PPP1R9A: variants seen among roughly 807,000 people sequenced by gnomAD.
The protein encoded by PPP1R9A is neurabin-1.
A neutral mutation model predicts 141.9 loss-of-function variants in PPP1R9A; 59 were observed. The observed-to-expected ratio is 0.42, with a 90% CI of 0.34 to 0.52. The LOEUF (loss-of-function observed/expected upper bound fraction) is 0.52. PPP1R9A is among the 20% of genes least tolerant of loss of function. PPP1R9A has a pLI of 0.10. For synonymous variants in PPP1R9A, 500 were observed against 569.7 expected (o/e 0.88, Z 1.74); for missense variants, 1,444 against 1,611.9 (o/e 0.90, Z 1.78).
intron 2 of PPP1R9A, among the ~76,000 whole-genome samples, chr7:94,968,522 T>C (rs1469689002): frequency 4.0e-5 from 6 of 151,818 alleles, no homozygotes; most frequent in African/African-American, 1.4e-4. Flanking sequence ...AACCCCTGCT[T>C]TTTTTTTGCT....
intron 2 of PPP1R9A, among the ~76,000 whole-genome samples, chr7:95,037,396 C>T (rs1808579174): frequency 6.6e-6 from 1 of 151,916 alleles, no homozygotes; most frequent in African/African-American, 2.4e-5. Context: ...TCACTCTTGG[C>T]CTGTTATTTT....
intron 5 of PPP1R9A, 83 bp downstream of exon 5, chr7:95,162,054 T>A: frequency 2.5e-6 from 2 of 802,962 alleles, no homozygotes; most frequent in Non-Finnish European, 1.9e-6. Flanking sequence ...CAAATAAATG[T>A]AATTACAATG....
At chr7:94,959,830 TG>T (rs1291088625) in intron 2 of PPP1R9A, among the ~76,000 whole-genome samples, 2 of 151,802 alleles carry the variant, frequency 1.3e-5, no homozygotes, top group Non-Finnish European at 3.0e-5. Context: ...AGTATGAATT[TG>T]ATTCTCCTAA....
intron 2 of PPP1R9A, among the ~76,000 whole-genome samples, chr7:94,925,511 C>G (rs1188596962): frequency 6.6e-6 from 1 of 152,060 alleles, no homozygotes; most frequent in Non-Finnish European, 1.5e-5. Flanking sequence ...TCCTCTCTCC[C>G]TCTCATTCTT....
chr7:95,218,106 T>A (rs944764191), intron 7 of PPP1R9A, among the ~76,000 whole-genome samples: 4 of 152,322 alleles, frequency 2.6e-5, no homozygotes, highest in African/African-American at 9.6e-5. Flanking sequence ...TTGTGGGCAT[T>A]TAGTGCTATA....
At chr7:95,021,957 T>A (rs1806029925) in intron 2 of PPP1R9A, among the ~76,000 whole-genome samples, 1 of 152,220 alleles carries the variant, frequency 6.6e-6, no homozygotes, top group African/African-American at 2.4e-5. Flanking sequence ...ATGTGGGCTG[T>A]TTTTTGGTTC....
intron 2 of PPP1R9A, among the ~76,000 whole-genome samples, chr7:94,935,794 G>C (rs1448585463): frequency 6.6e-6 from 1 of 152,132 alleles, no homozygotes; most frequent in Non-Finnish European, 1.5e-5. Context: ...AGTAAAACTT[G>C]TTGATTGCAC....
intron 5 of PPP1R9A, among the ~76,000 whole-genome samples, chr7:95,167,228 C>T (rs1831401602): frequency 6.6e-6 from 1 of 152,054 alleles, no homozygotes; most frequent in South Asian, 2.1e-4. Context: ...ATTTTTAAAA[C>T]CGTCTTATCT....
chr7:95,247,730 T>G (rs1403600236), intron 9 of PPP1R9A, among the ~76,000 whole-genome samples: 1 of 151,932 alleles, frequency 6.6e-6, no homozygotes, highest in Non-Finnish European at 1.5e-5. Flanking sequence ...AACACAATAT[T>G]TTAGATATAT....
At chr7:95,191,728 T>C (rs575327665) in intron 5 of PPP1R9A, among the ~76,000 whole-genome samples, 2 of 152,240 alleles carry the variant, frequency 1.3e-5, no homozygotes, top group South Asian at 4.1e-4. Flanking sequence ...CATTAGATTT[T>C]GTTTCTGTTA....
chr7:95,092,528 C>G (rs947202196), intron 2 of PPP1R9A, among the ~76,000 whole-genome samples: 2 of 152,034 alleles, frequency 1.3e-5, no homozygotes, highest in African/African-American at 4.8e-5. Flanking sequence ...TCTTGAACAG[C>G]TGTTTGAATG....
intron 2 of PPP1R9A, among the ~76,000 whole-genome samples, chr7:94,999,817 A>ATTTG (rs1181803110): frequency 2.0e-5 from 3 of 151,132 alleles, no homozygotes; most frequent in African/African-American, 7.3e-5. Context: ...TTATTTATTT[A>ATTTG]TTTAGATAGA....
chr7:94,928,689 T>C (rs1793777523), intron 2 of PPP1R9A, among the ~76,000 whole-genome samples: 1 of 152,218 alleles, frequency 6.6e-6, no homozygotes, highest in South Asian at 2.1e-4. Flanking sequence ...TCTAAGTGTG[T>C]ATTCAGTACT....
chr7:94,979,868 G>A (rs1010102880), intron 2 of PPP1R9A, among the ~76,000 whole-genome samples: 10 of 152,134 alleles, frequency 6.6e-5, no homozygotes, highest in Admixed American at 2.0e-4. Context: ...AAAAAGAATG[G>A]TTGAGTATAT....
chr7:95,081,641 T>C (rs1044632209), intron 2 of PPP1R9A, among the ~76,000 whole-genome samples: 1 of 152,166 alleles, frequency 6.6e-6, no homozygotes. Flanking sequence ...TAGTAAACCA[T>C]GAGGTAACTT....
chr7:94,974,876 T>C (rs1381602108), intron 2 of PPP1R9A, among the ~76,000 whole-genome samples: 1 of 152,136 alleles, frequency 6.6e-6, no homozygotes, highest in Non-Finnish European at 1.5e-5. Flanking sequence ...GGTGTTTTAA[T>C]TTGAGGAAAT....
chr7:95,131,797 G>A (rs1385604694), intron 4 of PPP1R9A, among the ~76,000 whole-genome samples: 2 of 152,004 alleles, frequency 1.3e-5, no homozygotes, highest in Non-Finnish European at 2.9e-5. Flanking sequence ...CCATTTTGCT[G>A]ATATTGATTC....
chr7:95,049,284 A>G (rs998988636), intron 2 of PPP1R9A, among the ~76,000 whole-genome samples: 3 of 152,202 alleles, frequency 2.0e-5, no homozygotes, highest in African/African-American at 4.8e-5. Flanking sequence ...TATTTTGGAG[A>G]AGAAAGGTCA....
Position 95,266,482 on chromosome 7 carries a change from T to C in PPP1R9A, c.2666-2068T>C, listed in dbSNP as rs1237620390. 3.3e-5 allele frequency among the ~76,000 whole-genome samples: 5 copies of C among 152,044 alleles called. No homozygotes were observed. The South Asian group carries it at 6.2e-4, about 19-fold the overall frequency. On this transcript the variant is annotated intron_variant, in intron 12 of 19. Transcript: ENST00000433360. ...CTCTAATGGCATTAAAATCTTGCAA[T>C]GGGAGGTTTATCAACACTAGCTAAA... is the stretch of plus-strand genomic sequence containing the variant.
Sources: allele counts gnomAD v4.1 joint callset (sites outside exome capture counted in the v4.1 genomes callset), GRCh38; gene constraint gnomAD v4.1.1; transcripts MANE v1.5; gene names NCBI Gene and HGNC (gene_info 2026-07-23, HGNC 2026-07-21).